The following GPM6A variants were observed in gnomAD, a reference collection of about 807,000 sequenced individuals.
GPM6A encodes the protein neuronal membrane glycoprotein M6-a.
Under a neutral mutation model 32.1 loss-of-function variants are expected in GPM6A, and 7 were observed. That is an observed-to-expected ratio of 0.22 (90% confidence interval 0.12 to 0.41). The LOEUF (loss-of-function observed/expected upper bound fraction) is 0.41, where lower values mean the gene tolerates loss of function less well. Ranked by LOEUF, GPM6A falls within the 10% of genes least tolerant of loss-of-function variation. The probability of loss-of-function intolerance (pLI) is 1.00; values close to 1 mark genes in which losing one functional copy is unlikely to be tolerated. For missense variants in GPM6A, 235 were observed against 347.2 expected (o/e 0.68, Z 2.57); for synonymous variants, 130 against 123.4 (o/e 1.05, Z -0.35).
chr4:175,727,716 G>A (rs549663587), intron 1 of GPM6A, among the ~76,000 whole-genome samples: 11 of 152,138 alleles, frequency 7.2e-5, no homozygotes, highest in East Asian at 3.9e-4. Context: ...AAAAACTTAC[G>A]GCGTGGGCTG....
At chr4:175,801,612 T>A (rs1419970810) in intron 1 of GPM6A, among the ~76,000 whole-genome samples, 6 of 152,122 alleles carry the variant, frequency 3.9e-5, no homozygotes, top group South Asian at 2.1e-4. Context: ...ATACATTTTT[T>A]AAAAATTGAG....
At chr4:175,867,625 A>G (rs569481940) in intron 1 of GPM6A, among the ~76,000 whole-genome samples, 1 of 152,128 alleles carries the variant, frequency 6.6e-6, no homozygotes, top group Admixed American at 6.5e-5. Flanking sequence ...CCATTGATCT[A>G]TTTCTATTTC....
chr4:175,710,333 G>A (rs1320444838), intron 1 of GPM6A, among the ~76,000 whole-genome samples: 1 of 152,042 alleles, frequency 6.6e-6, no homozygotes, highest in African/African-American at 2.4e-5. Context: ...ACCCTATAAA[G>A]TTACCTTCTA....
intron 2 of GPM6A, among the ~76,000 whole-genome samples, chr4:175,698,153 C>T (rs1171026839): frequency 1.3e-5 from 2 of 152,048 alleles, no homozygotes; most frequent in African/African-American, 2.4e-5. Context: ...CTCCTCAAAT[C>T]CTGAGCACCA....
intron 1 of GPM6A, among the ~76,000 whole-genome samples, chr4:175,739,688 T>G (rs2111163253): frequency 6.6e-6 from 1 of 152,214 alleles, no homozygotes; most frequent in South Asian, 2.1e-4. Flanking sequence ...CCTCAAATTC[T>G]TAAGGTTCAG....
At chr4:175,757,185 G>A (rs543981110) in intron 1 of GPM6A, among the ~76,000 whole-genome samples, 10 of 152,096 alleles carry the variant, frequency 6.6e-5, no homozygotes, top group African/African-American at 2.4e-4. Context: ...GTCACCCTAG[G>A]AGAAGTCAGA....
At chr4:175,779,215 C>T (rs10012556) in intron 1 of GPM6A, among the ~76,000 whole-genome samples, 8,343 of 152,194 alleles carry the variant, frequency 0.055, 752 homozygotes, top group African/African-American at 0.19. Context: ...CTGTTTAAAT[C>T]TCACCCTGCT....
chr4:175,947,898 A>C (rs1468470355), intron 1 of GPM6A, among the ~76,000 whole-genome samples: 1 of 152,204 alleles, frequency 6.6e-6, no homozygotes. Flanking sequence ...TACCTAGAAC[A>C]CAGTAGGCAC....
Position 175,640,772 on chromosome 4 carries a change from C to T in GPM6A, c.599G>A (p.Arg200Lys). Reference sequence around the variant, plus strand: ...ACTCACCTCAGTAGATTCGCACATCCTCAAGAAATTCTCAGAGACAGTACA... The same window carrying T: ...ACTCACCTCAGTAGATTCGCACATCTTCAAGAAATTCTCAGAGACAGTACA... Reference protein sequence around the residue: ...KICTVSENFLRMCESTELNMT... With the variant: ...KICTVSENFLKMCESTELNMT... The change falls in exon 5 of 7, where the codon AGG (arginine) becomes AAG (lysine). Residue 200 changes from arginine to lysine, a missense_variant. Arg to Lys is a conservative substitution (Grantham distance 26). Transcript: ENST00000393658. 6.2e-7 allele frequency: 1 copy of T among 1,608,826 alleles called. No homozygotes were observed. Among genetic ancestry groups the T allele is most frequent in the Non-Finnish European group, 8.5e-7 (1 of 1,175,722 alleles).
chr4:175,890,432 A>T (rs550245869), intron 1 of GPM6A, among the ~76,000 whole-genome samples: 1 of 152,200 alleles, frequency 6.6e-6, no homozygotes, highest in Non-Finnish European at 1.5e-5. Flanking sequence ...GGCTTTTTGT[A>T]TAATGGAAAA....
At chr4:175,874,663 A>G (rs1395586623) in intron 1 of GPM6A, among the ~76,000 whole-genome samples, 1 of 152,216 alleles carries the variant, frequency 6.6e-6, no homozygotes, top group Non-Finnish European at 1.5e-5. Flanking sequence ...TAAAGTCATG[A>G]GAAAAGAGAG....
chr4:175,662,116 T>C (rs1434678371), intron 3 of GPM6A, among the ~76,000 whole-genome samples: 2 of 152,100 alleles, frequency 1.3e-5, no homozygotes, highest in Non-Finnish European at 2.9e-5. Context: ...TTAATATTAT[T>C]ATGATTGTCA....
At chr4:175,818,877 C>T (rs1314597608) in intron 1 of GPM6A, among the ~76,000 whole-genome samples, 2 of 152,078 alleles carry the variant, frequency 1.3e-5, no homozygotes, top group Non-Finnish European at 1.5e-5. Context: ...TTCATCTTTC[C>T]TCTAGGAAGG....
At chr4:175,906,328 G>A (rs1186150658) in intron 1 of GPM6A, among the ~76,000 whole-genome samples, 2 of 152,122 alleles carry the variant, frequency 1.3e-5, no homozygotes, top group Non-Finnish European at 2.9e-5. Context: ...GGGAAAGACA[G>A]CACAAACATT....
chr4:175,900,942 T>C (rs1737944785), intron 1 of GPM6A, among the ~76,000 whole-genome samples: 1 of 152,094 alleles, frequency 6.6e-6, no homozygotes, highest in Non-Finnish European at 1.5e-5. Flanking sequence ...TATTCAGCCA[T>C]AAAAAAGAAT....
At chr4:175,963,591 T>G (rs111637163) in intron 1 of GPM6A, among the ~76,000 whole-genome samples, 2 of 151,962 alleles carry the variant, frequency 1.3e-5, no homozygotes, top group African/African-American at 4.8e-5. Flanking sequence ...AAATGAAAAT[T>G]GAGGATGTTT....
At chr4:175,860,391 A>G (rs553836758) in intron 1 of GPM6A, among the ~76,000 whole-genome samples, 1 of 152,294 alleles carries the variant, frequency 6.6e-6, no homozygotes, top group African/African-American at 2.4e-5. Flanking sequence ...TATGAACATT[A>G]AAAGAATATA....
At chr4:175,637,260 A>ATATATAT (rs1388120726) in intron 6 of GPM6A, among the ~76,000 whole-genome samples, 20 of 33,828 alleles carry the variant, frequency 5.9e-4, no homozygotes, top group Middle Eastern at 0.023. Context: ...ATAATATAAA[A>ATATATAT]TATATATTAT....
chr4:175,764,529 TAAGAA>T lies in GPM6A; in HGVS notation c.37+47657_37+47661del, dbSNP rs1732882496. On this transcript the variant is annotated intron_variant, in intron 1 of 6. Coordinates refer to ENST00000393658, the MANE Select transcript of GPM6A (RefSeq NM_201591.3). ...ATAGGCTTCTTTTCCAAATAAAAAT[TAAGAA>T]AATAAGAATACAAGATTTGGGGAAA... is the stretch of plus-strand genomic sequence containing the variant. Among the ~76,000 whole-genome samples the T allele has an allele frequency of 2.6e-5, 4 of 152,134 alleles. No homozygotes were observed. In the South Asian group the frequency reaches 8.3e-4, roughly 31 times the overall value.
Sources: allele counts gnomAD v4.1 joint callset (sites outside exome capture counted in the v4.1 genomes callset), GRCh38; gene constraint gnomAD v4.1.1; transcripts MANE v1.5; gene names NCBI Gene and HGNC (gene_info 2026-07-23, HGNC 2026-07-21).